Variants in GPRIN3 observed in about 807,000 individuals in gnomAD.
GPRIN3 encodes GPRIN family member 3.
Under a neutral mutation model 13.7 loss-of-function variants are expected in GPRIN3, and 12 were observed. The ratio of observed to expected loss-of-function variants is 0.87; its 90% CI spans 0.56 to 1.42. The LOEUF is 1.42. Among genes scored for constraint, GPRIN3 ranks in the 40% most tolerant of loss-of-function variants. The pLI is 0.00. For missense variants in GPRIN3, 1,009 were observed against 958.7 expected, an observed-to-expected ratio of 1.05 and a Z score of -0.69; for synonymous variants, 377 against 372.7, an observed-to-expected ratio of 1.01 and a Z score of -0.13.
chr4:89,276,321 G>T (rs1724091836), intron 1 of GPRIN3, among the ~76,000 whole-genome samples: 1 of 151,964 alleles, frequency 6.6e-6, no homozygotes, highest in South Asian at 2.1e-4. Flanking sequence ...ATTTTAGTAA[G>T]ATTATTATAG....
chr4:89,283,068 G>C (rs1009082780), intron 1 of GPRIN3, among the ~76,000 whole-genome samples: 3 of 152,190 alleles, frequency 2.0e-5, no homozygotes, highest in African/African-American at 7.2e-5. Context: ...AGATAGCCAA[G>C]GCCTTTAGTG....
intron 1 of GPRIN3, among the ~76,000 whole-genome samples, chr4:89,286,939 T>A (rs977623709): frequency 6.6e-6 from 1 of 152,194 alleles, no homozygotes. Context: ...TATAGTGAGC[T>A]ATGATCATGC....
chr4:89,303,766 T>A (rs1461895198), intron 1 of GPRIN3, among the ~76,000 whole-genome samples: 2 of 149,190 alleles, frequency 1.3e-5, no homozygotes, highest in African/African-American at 4.9e-5. Context: ...TATATATTTA[T>A]ATATAAAAAA....
At chr4:89,294,236 GA>G (rs963247117) in intron 1 of GPRIN3, among the ~76,000 whole-genome samples, 2 of 152,176 alleles carry the variant, frequency 1.3e-5, no homozygotes, top group African/African-American at 4.8e-5. Flanking sequence ...CACTCATGAT[GA>G]AATCTAAACA....
At chr4:89,287,655 C>A (rs929036467) in intron 1 of GPRIN3, among the ~76,000 whole-genome samples, 1 of 152,122 alleles carries the variant, frequency 6.6e-6, no homozygotes, top group African/African-American at 2.4e-5. Flanking sequence ...GTTCTAGACA[C>A]AAGCCTATTA....
At chr4:89,266,366 A>G (rs1723779354) in intron 1 of GPRIN3, among the ~76,000 whole-genome samples, 1 of 152,204 alleles carries the variant, frequency 6.6e-6, no homozygotes. Flanking sequence ...AGGCCTGCCC[A>G]GTACCTGTCA....
chr4:89,242,991 G>A lies in GPRIN3; in HGVS notation c.*4789C>T, dbSNP rs1722986644. 1 of 152,152 alleles carries A rather than the reference G, an allele frequency of 6.6e-6. No individual in the cohort carries two copies. The highest frequency in any genetic ancestry group is 1.5e-5 in the Non-Finnish European group (1 of 68,026). The allele number at this position is 152,152 out of a possible 1,614,324, so 9.4% of individuals were successfully genotyped here. A position where few individuals can be genotyped will look rare whatever the true frequency, so the allele number is the denominator to read the frequency against. ...TACAGATGCACTGGATTTATTTTGA[G>A]AGAGGTTATTTTGTTGTGGCAAGTG... is the stretch of plus-strand genomic sequence containing the variant. On this transcript the variant is annotated 3_prime_UTR_variant, in exon 2 of 2. Transcript: ENST00000609438.
intron 1 of GPRIN3, among the ~76,000 whole-genome samples, chr4:89,253,276 G>A (rs187877759): frequency 2.3e-3 from 345 of 152,242 alleles, no homozygotes; most frequent in Non-Finnish European, 4.0e-3. Flanking sequence ...TTACAGCTCT[G>A]CCAAATGTCA....
At chr4:89,256,978 C>T (rs1561192048) in intron 1 of GPRIN3, among the ~76,000 whole-genome samples, 1 of 152,180 alleles carries the variant, frequency 6.6e-6, no homozygotes, top group Non-Finnish European at 1.5e-5. Context: ...GTGATTCAAT[C>T]CTAGGAAACA....
chr4:89,282,426 T>C (rs964649357), intron 1 of GPRIN3, among the ~76,000 whole-genome samples: 63 of 152,244 alleles, frequency 4.1e-4, no homozygotes, highest in African/African-American at 1.5e-3. Flanking sequence ...CCTGCTTCAG[T>C]GGTGTGCATC....
At chr4:89,252,964 T>C (rs1330065184) in intron 1 of GPRIN3, among the ~76,000 whole-genome samples, 4 of 150,566 alleles carry the variant, frequency 2.7e-5, no homozygotes, top group Admixed American at 2.6e-4. Flanking sequence ...CCATTTTTTT[T>C]CTGAAGTCCT....
At chr4:89,253,766 A>G (rs1179348376) in intron 1 of GPRIN3, among the ~76,000 whole-genome samples, 3 of 152,220 alleles carry the variant, frequency 2.0e-5, no homozygotes, top group Admixed American at 1.3e-4. Context: ...TGCTTGGCTA[A>G]GACCTAGCAC....
At chr4:89,298,267 T>C (rs929644479) in intron 1 of GPRIN3, among the ~76,000 whole-genome samples, 2 of 152,154 alleles carry the variant, frequency 1.3e-5, no homozygotes, top group Non-Finnish European at 2.9e-5. Context: ...CAAAAATGCA[T>C]GTGTCTGTGA....
At chr4:89,255,993 G>A (rs554987792) in intron 1 of GPRIN3, among the ~76,000 whole-genome samples, 17 of 152,198 alleles carry the variant, frequency 1.1e-4, no homozygotes, top group South Asian at 1.0e-3. Flanking sequence ...TTAAAGCCTT[G>A]TTCTGGTAAT....
At chr4:89,255,852 A>G (rs901729862) in intron 1 of GPRIN3, among the ~76,000 whole-genome samples, 1 of 152,242 alleles carries the variant, frequency 6.6e-6, no homozygotes, top group African/African-American at 2.4e-5. Context: ...AACATTATAA[A>G]TTCTTCCTGA....
At chr4:89,285,037 C>T (rs901174317) in intron 1 of GPRIN3, among the ~76,000 whole-genome samples, 2 of 152,100 alleles carry the variant, frequency 1.3e-5, no homozygotes, top group African/African-American at 4.8e-5. Flanking sequence ...TGCCAAACTG[C>T]TCCTGTGGCC....
intron 1 of GPRIN3, among the ~76,000 whole-genome samples, chr4:89,273,268 T>G (rs1390815166): frequency 6.6e-6 from 1 of 152,232 alleles, no homozygotes; most frequent in Non-Finnish European, 1.5e-5. Flanking sequence ...AATGTAACAT[T>G]AATTGATATA....
In GPRIN3 at chr4:89,238,163, A is replaced by G. The variant is rs1033676331; in HGVS notation, c.*9617T>C. ...GCTGGAGGGAGAGTATGGCTCTTGG[A>G]AATTTTGAAGCAATCACTGTTTAAA... On this transcript the variant is annotated 3_prime_UTR_variant, in exon 2 of 2. Transcript: ENST00000609438. 1 of 151,998 alleles carries G rather than the reference A, an allele frequency of 6.6e-6. No individual in the cohort carries two copies. The highest frequency in any genetic ancestry group is 1.5e-5 in the Non-Finnish European group (1 of 68,026). 9.4% of individuals were successfully genotyped at this position (151,998 alleles called of 1,614,324 possible). A position where few individuals can be genotyped will look rare whatever the true frequency, so the allele number is the denominator to read the frequency against.
intron 1 of GPRIN3, among the ~76,000 whole-genome samples, chr4:89,281,828 T>C (rs923700434): frequency 6.6e-6 from 1 of 152,182 alleles, no homozygotes; most frequent in Non-Finnish European, 1.5e-5. Context: ...TCAACACAAC[T>C]CAGCATTTTC....
Sources: gnomAD v4.1 joint callset for allele counts (sites outside exome capture counted in the v4.1 genomes callset) on GRCh38, gnomAD v4.1.1 for gene constraint, MANE v1.5 for transcripts, NCBI Gene and HGNC (gene_info 2026-07-23, HGNC 2026-07-21) for gene names.